The following AGBL4 variants were observed in gnomAD, a reference collection of about 807,000 sequenced individuals.
AGBL4 encodes cytosolic carboxypeptidase 6.
Under a neutral mutation model 66.4 loss-of-function variants are expected in AGBL4, and 58 were observed. The ratio of observed to expected loss-of-function variants is 0.87; its 90% confidence interval spans 0.71 to 1.09. The LOEUF (loss-of-function observed/expected upper bound fraction) is 1.09, where lower values mean the gene tolerates loss of function less well. Among genes scored for constraint, AGBL4 ranks in the 50% least tolerant of loss-of-function variants. The pLI is 0.00. For missense variants in AGBL4, 579 were observed against 631.0 expected (o/e 0.92, Z 0.88); for synonymous variants, 234 against 222.9 (o/e 1.05, Z -0.44).
intron 2 of AGBL4, chr1:49,845,042 C>A: frequency 1.4e-6 from 2 of 1,444,604 alleles, no homozygotes; most frequent in Admixed American, 1.9e-5. Context: ...GACCTAAATG[C>A]TCTACAGAAA....
chr1:48,822,615 C>A (rs1263485531), intron 6 of AGBL4, among the ~76,000 whole-genome samples: 3 of 152,234 alleles, frequency 2.0e-5, no homozygotes, highest in African/African-American at 7.2e-5. Context: ...CAATACCACA[C>A]TGTCTTGATT....
At chr1:49,939,666 T>G (rs376859817) in intron 1 of AGBL4, among the ~76,000 whole-genome samples, 1 of 152,134 alleles carries the variant, frequency 6.6e-6, no homozygotes, top group Admixed American at 6.5e-5. Context: ...AAAGCTGAAA[T>G]TGGATCCCTT....
chr1:49,605,167 T>C (rs559537385), intron 3 of AGBL4, among the ~76,000 whole-genome samples: 3 of 152,270 alleles, frequency 2.0e-5, no homozygotes, highest in African/African-American at 7.2e-5. Flanking sequence ...TACTTCAGGA[T>C]GTACTGGTGG....
intron 11 of AGBL4, among the ~76,000 whole-genome samples, chr1:48,541,630 G>T (rs113608862): frequency 6.6e-6 from 1 of 152,124 alleles, no homozygotes; most frequent in South Asian, 2.1e-4. Context: ...TTAGTTGGGC[G>T]TTGGGGCGCA....
intron 5 of AGBL4, among the ~76,000 whole-genome samples, chr1:48,909,756 T>C (rs1038817796): frequency 6.6e-6 from 1 of 152,184 alleles, no homozygotes; most frequent in Non-Finnish European, 1.5e-5. Flanking sequence ...ACAGAACACA[T>C]ACCATTCTTT....
chr1:49,958,579 C>A (rs565501948), intron 1 of AGBL4, among the ~76,000 whole-genome samples: 2 of 151,464 alleles, frequency 1.3e-5, no homozygotes, highest in Non-Finnish European at 2.9e-5. Context: ...TCATTCTCAG[C>A]AAACTATCAC....
chr1:49,154,031 A>T (rs1646385460), intron 4 of AGBL4, among the ~76,000 whole-genome samples: 1 of 152,130 alleles, frequency 6.6e-6, no homozygotes, highest in African/African-American at 2.4e-5. Flanking sequence ...AGGTCTGTTT[A>T]ACTTCAAAGA....
At chr1:49,103,538 G>A (rs1645240179) in intron 4 of AGBL4, among the ~76,000 whole-genome samples, 1 of 152,184 alleles carries the variant, frequency 6.6e-6, no homozygotes, top group African/African-American at 2.4e-5. Context: ...CACACAGGCT[G>A]AAGTTCTATG....
chr1:49,429,244 A>G (rs995907908), intron 3 of AGBL4, among the ~76,000 whole-genome samples: 2 of 152,222 alleles, frequency 1.3e-5, no homozygotes, highest in Non-Finnish European at 2.9e-5. Flanking sequence ...AAGGCTTTTC[A>G]AATATAAAAA....
chr1:49,831,804 G>C (rs1174346650), intron 2 of AGBL4, among the ~76,000 whole-genome samples: 7 of 152,040 alleles, frequency 4.6e-5, no homozygotes, highest in Non-Finnish European at 7.4e-5. Flanking sequence ...GGTTTATTGA[G>C]AGTTTTTAGC....
intron 2 of AGBL4, among the ~76,000 whole-genome samples, chr1:49,844,160 T>G (rs535854768): frequency 6.6e-6 from 1 of 152,212 alleles, no homozygotes; most frequent in Non-Finnish European, 1.5e-5. Context: ...GGGAAGCAGA[T>G]AGGCTCCTTT....
intron 1 of AGBL4, among the ~76,000 whole-genome samples, chr1:49,871,070 C>T (rs561554171): frequency 4.6e-5 from 7 of 152,034 alleles, no homozygotes; most frequent in Admixed American, 6.6e-5. Context: ...TGTGAAATTG[C>T]GAGGGCCAAT....
At chr1:49,254,001 T>G (rs1408162418) in intron 3 of AGBL4, among the ~76,000 whole-genome samples, 2 of 152,192 alleles carry the variant, frequency 1.3e-5, no homozygotes, top group Non-Finnish European at 2.9e-5. Context: ...AACTAAGTTT[T>G]GAAGGAACAT....
chr1:49,722,518 C>A (rs1164437104), intron 2 of AGBL4, among the ~76,000 whole-genome samples: 2 of 152,044 alleles, frequency 1.3e-5, no homozygotes, highest in Admixed American at 6.6e-5. Flanking sequence ...ACATTAAATG[C>A]ATGATGAATA....
chr1:49,150,702 A>G, intron 4 of AGBL4, among the ~76,000 whole-genome samples: 1 of 152,158 alleles, frequency 6.6e-6, no homozygotes, highest in South Asian at 2.1e-4. Flanking sequence ...AATCCTATTT[A>G]TCTTTGAGAT....
intron 6 of AGBL4, among the ~76,000 whole-genome samples, chr1:48,857,303 G>C (rs1001013735): frequency 1.3e-5 from 2 of 152,160 alleles, no homozygotes; most frequent in Non-Finnish European, 2.9e-5. Flanking sequence ...ATAGTTCTGT[G>C]AAAACTGGCT....
chr1:49,847,371 C>T (rs1434278684), intron 2 of AGBL4, among the ~76,000 whole-genome samples: 1 of 152,064 alleles, frequency 6.6e-6, no homozygotes, highest in African/African-American at 2.4e-5. Context: ...ATGACTAAGG[C>T]CTCAAAAGTA....
chr1:48,535,193 G>C (rs1031583222), intron 12 of AGBL4, among the ~76,000 whole-genome samples: 2 of 152,026 alleles, frequency 1.3e-5, no homozygotes, highest in African/African-American at 4.8e-5. Context: ...GGGCTAGGAA[G>C]GCAAAAAGCC....
intron 3 of AGBL4, among the ~76,000 whole-genome samples, chr1:49,570,490 T>TC (rs987404901): frequency 2.6e-5 from 4 of 152,098 alleles, no homozygotes; most frequent in Non-Finnish European, 4.4e-5. Context: ...TGGGTATTAA[T>TC]CCTCTGTTAG....
Sources: gnomAD v4.1 joint callset for allele counts (sites outside exome capture counted in the v4.1 genomes callset) on GRCh38, gnomAD v4.1.1 for gene constraint, MANE v1.5 for transcripts, NCBI Gene and HGNC (gene_info 2026-07-23, HGNC 2026-07-21) for gene names.